The following RPAP1 variants were observed in gnomAD, a reference collection of about 807,000 sequenced individuals.
RPAP1 encodes RNA polymerase II associated protein 1, also known as RNA polymerase II-associated protein 1.
In RPAP1, 109 loss-of-function variants were observed where a neutral mutation model predicts 142.4. The ratio of observed to expected loss-of-function variants is 0.77; its 90% CI spans 0.66 to 0.90. The LOEUF (loss-of-function observed/expected upper bound fraction) is 0.90, where lower values mean the gene tolerates loss of function less well. Ranked by LOEUF, RPAP1 falls within the 40% of genes least tolerant of loss-of-function variation. RPAP1 has a pLI of 0.00. For missense variants in RPAP1, 1,546 were observed against 1,751.7 expected (o/e 0.88, Z 2.10); for synonymous variants, 704 against 738.9 (o/e 0.95, Z 0.77).
intron 14 of RPAP1, 79 bp downstream of exon 14, chr15:41,526,819 G>C (rs2140769002): frequency 7.1e-7 from 1 of 1,408,360 alleles, no homozygotes; most frequent in East Asian, 2.3e-5. Flanking sequence ...TGGCCACCCA[G>C]AGTTCAGGAG....
intron 1 of RPAP1, among the ~76,000 whole-genome samples, chr15:41,540,387 C>T (rs1280633388): frequency 2.0e-5 from 3 of 151,768 alleles, no homozygotes; most frequent in South Asian, 2.1e-4. Context: ...CTGCAACCTC[C>T]GCCTCCCAGG....
At position 41,529,554 on chromosome 15, in the gene RPAP1, T is replaced by C. The variant is rs1200349; in HGVS notation, c.1074A>G (p.Arg358=). 819,053 of 1,606,724 alleles carry C rather than the reference T, an allele frequency of 0.51. 210,834 individuals are homozygous for C. The highest frequency in any genetic ancestry group is 0.64 in the African/African-American group (48,149 of 74,792). Residue 358 remains arginine (R), a synonymous_variant, in exon 9 of 25, where the codon CGA becomes CGG. Transcript: ENST00000304330. ...RQQTQERMQA[R]FSLQGELLAP... ...CCAGTAGTTCTCCCTGAAGACTGAA[T>C]CGAGCCTGCATCCTCTAATGGGAAG...
At chr15:41,525,998 G>A (rs1388703166) in intron 14 of RPAP1, among the ~76,000 whole-genome samples, 4 of 152,060 alleles carry the variant, frequency 2.6e-5, no homozygotes, top group Admixed American at 2.6e-4. Flanking sequence ...CACCCAGGCT[G>A]GAATGCAGTG....
Position 41,524,992 on chromosome 15 carries a change from T to C in RPAP1, c.2074A>G (p.Arg692Gly). The C allele has an allele frequency of 2.5e-6, 4 of 1,613,086 alleles. No individual in the cohort carries two copies. The highest frequency in any genetic ancestry group is 3.4e-6 in the Non-Finnish European group (4 of 1,179,654). ...AGCCTACCCCCTGCCTCTCCTCACC[T>C]GTAAAGGTAACCGCCCTGGCCATAG... ...ASYGQGGYLY[R>G]ELYPVLMRAL... Residue 692 changes from arginine to glycine, a missense_variant and splice_region_variant, in exon 15 of 25, where the codon AGG (arginine) becomes GGG (glycine). Physicochemically the swap from Arg to Gly is moderately radical, Grantham distance 125 (BLOSUM62 -2). Around this residue, in one of 3 missense-constraint regions of RPAP1, gnomAD observed 1,333 missense variants for 1,486.6 expected, o/e 0.90. Coordinates refer to ENST00000304330, the MANE Select transcript of RPAP1 (RefSeq NM_015540.4).
At chr15:41,525,528 G>A (rs544417341) in intron 14 of RPAP1, among the ~76,000 whole-genome samples, 14 of 151,948 alleles carry the variant, frequency 9.2e-5, no homozygotes, top group South Asian at 4.2e-4. Flanking sequence ...TAGTAGAGAC[G>A]GGGTTTCATT....
intron 1 of RPAP1, among the ~76,000 whole-genome samples, chr15:41,541,593 A>G (rs993885574): frequency 6.6e-6 from 1 of 152,162 alleles, no homozygotes; most frequent in African/African-American, 2.4e-5. Context: ...CACGCCTGTA[A>G]TCCCAGCACT....
At position 41,527,219 on chromosome 15, in the gene RPAP1, A is replaced by G. The variant is rs753297575; in HGVS notation, c.1694T>C (p.Ile565Thr). Residue 565 changes from isoleucine to threonine, a missense_variant, in exon 13 of 25, where the codon ATC becomes ACC. Physicochemically the swap from Ile to Thr is moderately conservative, Grantham distance 89. This residue lies in a region of RPAP1 where 1,333 missense variants were observed against 1,486.6 expected (regional missense o/e 0.90). Transcript: ENST00000304330. The stretch of plus-strand genomic sequence containing the variant: ...GGCCAGGCGGATGAGCACAGCCAGG[A>G]TGTCAAGGACCACCGCAGGTCCTGG... ...TYPGPAVVLD[I>T]LAVLIRLARH... 2.5e-6 allele frequency: 4 copies of G among 1,613,944 alleles called. No homozygotes were observed. The highest frequency in any genetic ancestry group is 1.6e-4 in the Middle Eastern group (1 of 6,084).
chr15:41,528,101 C>A (rs908933558), intron 10 of RPAP1, 74 bp from the exon 11 acceptor site: 51 of 1,559,582 alleles, frequency 3.3e-5, no homozygotes, highest in Non-Finnish European at 4.4e-5. Flanking sequence ...CCTTCGTTTG[C>A]CCCCCTATGA....
At chr15:41,543,201 C>CTTTTTTTT (rs71104794) in intron 1 of RPAP1, among the ~76,000 whole-genome samples, 2 of 78,936 alleles carry the variant, frequency 2.5e-5, no homozygotes, top group Non-Finnish European at 4.5e-5. Flanking sequence ...CAATGCTGTC[C>CTTTTTTTT]TTTTTTTTTT....
rs2051904024 is a variant in RPAP1 at position 41,536,132 on chromosome 15, T to C, written c.417A>G (p.Thr139=). Residue 139 remains threonine (T), a synonymous_variant, in exon 4 of 25, where the codon ACA becomes ACG. Coordinates refer to ENST00000304330, the MANE Select transcript of RPAP1 (RefSeq NM_015540.4). ...FPAVFLRSRD[T]QGKSATSGKR... ...ACCTAAGCTTACCCTTGCCTACCTG[T>C]GTGTCCCGCGAGCGAAGGAACACAG... The C allele has an allele frequency of 6.2e-7, 1 of 1,613,800 alleles. No homozygotes were observed. Among genetic ancestry groups the C allele is most frequent in the Middle Eastern group, 1.6e-4 (1 of 6,062 alleles).
chr15:41,521,609 G>T, intron 21 of RPAP1, 129 bp downstream of exon 21: 1 of 1,034,508 alleles, frequency 9.7e-7, no homozygotes, highest in Non-Finnish European at 1.4e-6. Context: ...ATGGAAGCTC[G>T]GAAGAGTTAA....
At position 41,521,900 on chromosome 15, in the gene RPAP1, G is replaced by A; in HGVS notation, c.2896-20C>T. ...CGCTGCCTGCAGACAGAAAAGCAGG[G>A]AACTACCTAGTACAGGAGAAGGGGA... On this transcript the variant is annotated intron_variant, in intron 20 of 24. Transcript: ENST00000304330. 6.2e-7 allele frequency: 1 copy of A among 1,612,658 alleles called. No individual in the cohort carries two copies. Among genetic ancestry groups the A allele is most frequent in the South Asian group, 1.1e-5 (1 of 90,890 alleles).
intron 22 of RPAP1, 101 bp downstream of exon 22, chr15:41,520,290 G>T: frequency 1.5e-6 from 2 of 1,308,816 alleles, no homozygotes; most frequent in Non-Finnish European, 2.2e-6. Context: ...CAAGAGGTAA[G>T]ATGAGGAAGC....
At chr15:41,535,457 C>T (rs2297381) in intron 5 of RPAP1, 55 bp downstream of exon 5, 776,268 of 1,542,560 alleles carry the variant, frequency 0.5, 199,876 homozygotes, top group Middle Eastern at 0.56. Flanking sequence ...AAAAATGACC[C>T]TATGATTGTG....
intron 1 of RPAP1, chr15:41,543,856 C>T (rs1489657124): frequency 6.6e-6 from 1 of 152,158 alleles, no homozygotes; most frequent in Non-Finnish European, 1.5e-5. Flanking sequence ...AAAAAGTAGT[C>T]CTAACAATGG....
rs558147660 is a variant in RPAP1, at chr15:41,522,324, C to A, written c.2743-74G>T. The A allele has an allele frequency of 8.9e-5, 126 of 1,419,688 alleles. 1 individual carries two copies. The East Asian group carries it at 3.1e-3, about 35-fold the overall frequency. The allele number at this position is 1,419,688 out of a possible 1,614,324, so 87.9% of individuals were successfully genotyped here. ...TCTAGGGCTCCCCAGGTGGCTGCCC[C>A]TCTCCAGACTCAGGGAAATGAGTGC... is the stretch of plus-strand genomic sequence containing the variant. On this transcript the variant is annotated intron_variant, in intron 19 of 24. Transcript: ENST00000304330.
At chr15:41,540,240 C>G (rs1488986487) in intron 1 of RPAP1, among the ~76,000 whole-genome samples, 1 of 151,958 alleles carries the variant, frequency 6.6e-6, no homozygotes, top group Non-Finnish European at 1.5e-5. Context: ...ATACTGTTCT[C>G]TAAGCACTTT....
chr15:41,529,145 G>A (rs1215787607), intron 9 of RPAP1, among the ~76,000 whole-genome samples: 1 of 152,070 alleles, frequency 6.6e-6, no homozygotes, highest in African/African-American at 2.4e-5. Context: ...GACCATCCTG[G>A]CTAACATGGT....
chr15:41,533,949 C>T (rs185235161), intron 6 of RPAP1, among the ~76,000 whole-genome samples: 37 of 151,826 alleles, frequency 2.4e-4, no homozygotes, highest in Admixed American at 2.4e-3. Flanking sequence ...TGGTGAAACT[C>T]CGTCTCTACT....
Sources: allele counts gnomAD v4.1 joint callset (sites outside exome capture counted in the v4.1 genomes callset), GRCh38; gene constraint gnomAD v4.1.1; regional missense constraint gnomAD v4.1.1; transcripts MANE v1.5; gene names NCBI Gene and HGNC (gene_info 2026-07-23, HGNC 2026-07-21).